Variants in BRWD3 observed in about 807,000 individuals in gnomAD.
BRWD3 encodes bromodomain and WD repeat domain containing 3.
Under a neutral mutation model 149.7 loss-of-function variants are expected in BRWD3, and 10 were observed. The observed-to-expected ratio is 0.07, with a 90% CI of 0.04 to 0.11. BRWD3 has a LOEUF of 0.11. Among genes scored for constraint, BRWD3 ranks in the 10% least tolerant of loss-of-function variants. BRWD3 has a pLI of 1.00. For synonymous variants in BRWD3, 504 were observed against 456.7 expected (o/e 1.10, Z -1.32); for missense variants, 940 against 1,373.2 (o/e 0.68, Z 4.99).
intron 8 of BRWD3, among the ~76,000 whole-genome samples, chrX:80,739,001 G>T (rs1487471872): frequency 8.9e-6 from 1 of 111,870 alleles, no homozygotes; most frequent in Non-Finnish European, 1.9e-5. Flanking sequence ...CAATTTAACT[G>T]CCATTTTAAA....
At chrX:80,767,779 T>C (rs1413502937) in intron 6 of BRWD3, among the ~76,000 whole-genome samples, 1 of 111,920 alleles carries the variant, frequency 8.9e-6, no homozygotes, top group African/African-American at 3.2e-5. Flanking sequence ...AACAAACTTC[T>C]CTGAGCTAAA....
intron 6 of BRWD3, among the ~76,000 whole-genome samples, chrX:80,784,100 A>G (rs1465135501): frequency 8.9e-6 from 1 of 111,885 alleles, no homozygotes; most frequent in African/African-American, 3.3e-5. Flanking sequence ...TAACACAAAG[A>G]AAGGCTAAAT....
At chrX:80,708,672 C>T (rs1458249569) in intron 21 of BRWD3, among the ~76,000 whole-genome samples, 2 of 111,193 alleles carry the variant, frequency 1.8e-5, no homozygotes, top group Non-Finnish European at 3.8e-5. Context: ...AAAAATTAGC[C>T]ATGCATGGTG....
intron 4 of BRWD3, among the ~76,000 whole-genome samples, chrX:80,795,502 T>C (rs2074229363): frequency 9.1e-6 from 1 of 109,630 alleles, no homozygotes; most frequent in Admixed American, 9.9e-5. Context: ...TGTATATATG[T>C]ATATGTATGT....
At chrX:80,692,904 G>A (rs1478715154) in intron 28 of BRWD3, 36 bp downstream of exon 28, 1 of 1,071,079 alleles carries the variant, frequency 9.3e-7, no homozygotes, top group Admixed American at 2.2e-5. Context: ...CTACTACAAT[G>A]TCATATTAGG....
rs2074390702 is a variant in BRWD3, at chrX:80,809,723, GAGAGAGAGAGAGA to G, written c.-265_-253del. 2 of 259,118 alleles carry G rather than the reference GAGAGAGAGAGAGA, an allele frequency of 7.7e-6. No homozygotes were observed. Among genetic ancestry groups the G allele is most frequent in the East Asian group, 5.3e-5 (1 of 18,776 alleles). 21.4% of individuals were successfully genotyped at this position (259,118 alleles called of 1,213,427 possible). A position where few individuals can be genotyped will look rare whatever the true frequency, so the allele number is the denominator to read the frequency against. ...AGGGAGAGAGAGAGTGAGTGAGTGA[GAGAGAGAGAGAGA>G]AGAGAGAGAGAGAGAGAGGAAAAAG... On this transcript the variant is annotated 5_prime_UTR_variant, in exon 1 of 41. Coordinates refer to ENST00000373275, the MANE Select transcript of BRWD3 (RefSeq NM_153252.5).
chrX:80,715,311 T>A (rs757294731), intron 20 of BRWD3, among the ~76,000 whole-genome samples: 7 of 111,369 alleles, frequency 6.3e-5, no homozygotes, highest in Non-Finnish European at 1.1e-4. Flanking sequence ...ATCAAAATGA[T>A]CTAATATTTG....
At position 80,808,689 on chromosome X, in the gene BRWD3, C is replaced by G; in HGVS notation, c.121-91G>C. The G allele has an allele frequency of 6.3e-6, 5 of 795,364 alleles. No homozygotes were observed. In the South Asian group the frequency reaches 1.1e-4, roughly 17 times the overall value. 65.5% of individuals were successfully genotyped at this position (795,364 alleles called of 1,213,427 possible). A position where few individuals can be genotyped will look rare whatever the true frequency, so the allele number is the denominator to read the frequency against. ...CATCAACTGGACCCAACCTGTGTCC[C>G]AGTCCTCAACACTTTACCGTCTTTA... On this transcript the variant is annotated intron_variant, in intron 3 of 40. Coordinates refer to ENST00000373275, the MANE Select transcript of BRWD3 (RefSeq NM_153252.5).
chrX:80,726,028 T>TAAC lies in BRWD3; in HGVS notation c.1387-962_1387-961insGTT, dbSNP rs1569262865. On this transcript the variant is annotated intron_variant, in intron 14 of 40. Coordinates refer to ENST00000373275, the MANE Select transcript of BRWD3 (RefSeq NM_153252.5). The stretch of plus-strand genomic sequence containing the variant: ...TTACATGTTATATGTCTATATAACA[T>TAAC]ATAACATGTTTACATGTTATGTCTA... Among the ~76,000 whole-genome samples the TAAC allele has an allele frequency of 1.1e-4, 10 of 93,760 alleles. 1 individual carries two copies. The highest frequency in any genetic ancestry group is 4.8e-4 in the African/African-American group (9 of 18,875). The allele number at this position is 93,760 out of a possible 115,157, so 81.4% of individuals were successfully genotyped here.
Position 80,674,450 on chromosome X carries a change from C to T in BRWD3, c.*2159G>A, listed in dbSNP as rs2072346773. The stretch of plus-strand genomic sequence containing the variant: ...TCAAACTAAAATGATACATGTGATC[C>T]ATATTTGGGTATATCCAGGAATTTA... On this transcript the variant is annotated 3_prime_UTR_variant, in exon 41 of 41. Transcript: ENST00000373275. The T allele has an allele frequency of 9.0e-6, 1 of 111,034 alleles. No individual in the cohort carries two copies. Among genetic ancestry groups the T allele is most frequent in the African/African-American group, 3.3e-5 (1 of 30,594 alleles). 9.2% of individuals were successfully genotyped at this position (111,034 alleles called of 1,213,427 possible).
intron 6 of BRWD3, among the ~76,000 whole-genome samples, chrX:80,770,235 T>C (rs771164748): frequency 9.0e-6 from 1 of 111,443 alleles, no homozygotes; most frequent in South Asian, 3.8e-4. Flanking sequence ...GAGGGAAACC[T>C]CCCCAACTCA....
chrX:80,754,023 G>A (rs1359562481), intron 6 of BRWD3, among the ~76,000 whole-genome samples: 2 of 111,731 alleles, frequency 1.8e-5, no homozygotes, highest in African/African-American at 6.5e-5. Flanking sequence ...GGTTCCATAT[G>A]AATTTTAGGA....
chrX:80,764,896 T>TA (rs1293334249), intron 6 of BRWD3, among the ~76,000 whole-genome samples: 2 of 111,844 alleles, frequency 1.8e-5, no homozygotes, highest in Non-Finnish European at 1.9e-5. Context: ...ATACATATGG[T>TA]AAATAAGCAT....
Position 80,808,519 on chromosome X carries a change from G to C in BRWD3, c.180+20C>G. On this transcript the variant is annotated intron_variant, in intron 4 of 40. Coordinates refer to ENST00000373275, the MANE Select transcript of BRWD3 (RefSeq NM_153252.5). ...AGTGGTGAAAGAGTTAGGTTAAGTT[G>C]AAATGAAAACTTTACTCACCAGATC... is the stretch of plus-strand genomic sequence containing the variant. 1 of 1,197,606 alleles carries C rather than the reference G, an allele frequency of 8.3e-7. No homozygotes were observed. Among genetic ancestry groups the C allele is most frequent in the Non-Finnish European group, 1.1e-6 (1 of 884,778 alleles).
At chrX:80,755,649 C>T (rs1363297570) in intron 6 of BRWD3, among the ~76,000 whole-genome samples, 28 of 111,409 alleles carry the variant, frequency 2.5e-4, no homozygotes, top group Admixed American at 2.5e-3. Context: ...GGGGACATAA[C>T]TGATTAGCAA....
chrX:80,736,328 A>T (rs1445439946), intron 8 of BRWD3, among the ~76,000 whole-genome samples: 1 of 111,842 alleles, frequency 8.9e-6, no homozygotes, highest in East Asian at 2.8e-4. Flanking sequence ...TTTTAGTTAT[A>T]AAAAAATTAC....
chrX:80,766,415 T>G (rs915060814), intron 6 of BRWD3, among the ~76,000 whole-genome samples: 1 of 111,363 alleles, frequency 9.0e-6, no homozygotes, highest in Non-Finnish European at 1.9e-5. Context: ...TCAATCCTAC[T>G]GATTCTGTTT....
intron 4 of BRWD3, among the ~76,000 whole-genome samples, chrX:80,801,371 C>T (rs973263660): frequency 9.4e-6 from 1 of 106,156 alleles, no homozygotes; most frequent in Admixed American, 1.0e-4. Flanking sequence ...CAGGCGCCTG[C>T]CACCGCGCCT....
rs779094763 is a variant in BRWD3 at position 80,728,838 on chromosome X, A to T, written c.1300T>A (p.Tyr434Asn). 8.3e-7 allele frequency: 1 copy of T among 1,205,904 alleles called. No homozygotes were observed. The highest frequency in any genetic ancestry group is 1.7e-5 in the African/African-American group (1 of 57,755). Residue 434 changes from tyrosine to asparagine, a missense_variant, in exon 14 of 41, where the codon TAT becomes AAT. Coordinates refer to ENST00000373275, the MANE Select transcript of BRWD3 (RefSeq NM_153252.5). ...ACTGCAGTAATAACTGTGGTATCAT[A>T]GCGATCCCAGGCCACCATAGTCACC... The part of the protein sequence containing the change: ...LKVTMVAWDR[Y>N]DTTVITAVNN...
Sources: gnomAD v4.1 joint callset for allele counts (sites outside exome capture counted in the v4.1 genomes callset) on GRCh38, gnomAD v4.1.1 for gene constraint, MANE v1.5 for transcripts, NCBI Gene and HGNC (gene_info 2026-07-23, HGNC 2026-07-21) for gene names.